MDGA2: variants seen among roughly 807,000 people sequenced by gnomAD.
MDGA2 encodes the protein MAM domain containing glycosylphosphatidylinositol anchor 2, also known as MAM domain-containing glycosylphosphatidylinositol anchor protein 2.
In MDGA2, 40 loss-of-function variants were observed where a neutral mutation model predicts 117.8. The ratio of observed to expected loss-of-function variants is 0.34; its 90% CI spans 0.26 to 0.44. The LOEUF is 0.44. MDGA2 is among the 20% of genes least tolerant of loss of function. MDGA2 has a pLI of 1.00. For synonymous variants in MDGA2, 452 were observed against 439.0 expected (o/e 1.03, Z -0.37); for missense variants, 1,123 against 1,250.6 (o/e 0.90, Z 1.54).
rs557260167 is a variant in MDGA2 at position 47,010,149 on chromosome 14, A to G, written c.1819+24862T>C. Among the ~76,000 whole-genome samples, 4 of 152,168 alleles carry G rather than the reference A, an allele frequency of 2.6e-5. No individual in the cohort carries two copies. The South Asian group carries it at 8.3e-4, about 32-fold the overall frequency. ...ACTGGCATGGAAATGATCCATGTAT[A>G]TTTCTGACTTCCTGGACAGTTGGAA... On this transcript the variant is annotated intron_variant, in intron 8 of 16. Transcript: ENST00000399232.
chr14:47,564,337 C>T (rs1895875846), intron 1 of MDGA2, among the ~76,000 whole-genome samples: 1 of 152,132 alleles, frequency 6.6e-6, no homozygotes, highest in African/African-American at 2.4e-5. Context: ...ATACCTGAGG[C>T]TGGGCAATTT....
At chr14:46,974,132 T>G (rs1886368361) in intron 8 of MDGA2, among the ~76,000 whole-genome samples, 1 of 152,020 alleles carries the variant, frequency 6.6e-6, no homozygotes, top group South Asian at 2.1e-4. Context: ...TAGTAAAATA[T>G]GTAAGAATTC....
chr14:47,235,184 T>C (rs1886818174), intron 2 of MDGA2, among the ~76,000 whole-genome samples: 1 of 152,156 alleles, frequency 6.6e-6, no homozygotes, highest in Non-Finnish European at 1.5e-5. Flanking sequence ...CATAAAACAA[T>C]TTTTGCATAT....
chr14:47,494,302 G>A (rs986982410), intron 1 of MDGA2, among the ~76,000 whole-genome samples: 2 of 152,078 alleles, frequency 1.3e-5, no homozygotes, highest in African/African-American at 4.8e-5. Flanking sequence ...GTTTGTGCAG[G>A]GATTGGTATA....
At chr14:47,005,960 C>T (rs111701585) in intron 8 of MDGA2, among the ~76,000 whole-genome samples, 10 of 151,438 alleles carry the variant, frequency 6.6e-5, no homozygotes, top group South Asian at 2.1e-4. Flanking sequence ...TGGATGCTGT[C>T]GGCACTTTAA....
intron 5 of MDGA2, among the ~76,000 whole-genome samples, chr14:47,119,410 TA>T (rs1434196862): frequency 1.3e-5 from 2 of 152,136 alleles, no homozygotes; most frequent in Non-Finnish European, 2.9e-5. Flanking sequence ...AATAATGCTT[TA>T]TTAAACTTGT....
At chr14:47,193,268 A>T (rs553949204) in intron 3 of MDGA2, among the ~76,000 whole-genome samples, 1 of 152,322 alleles carries the variant, frequency 6.6e-6, no homozygotes, top group East Asian at 1.9e-4. Flanking sequence ...TTTGCCACTG[A>T]ATGTAGCATC....
intron 1 of MDGA2, among the ~76,000 whole-genome samples, chr14:47,422,739 A>G (rs539419479): frequency 1.4e-3 from 218 of 152,292 alleles, no homozygotes; most frequent in Middle Eastern, 6.8e-3. Context: ...GAAATTTTTC[A>G]TGAAGAATAT....
intron 1 of MDGA2, among the ~76,000 whole-genome samples, chr14:47,379,175 G>T (rs1891549541): frequency 6.6e-6 from 1 of 152,194 alleles, no homozygotes; most frequent in South Asian, 2.1e-4. Context: ...CTGAGATTTT[G>T]TCACCACCAG....
intron 1 of MDGA2, among the ~76,000 whole-genome samples, chr14:47,321,650 C>G (rs1451823752): frequency 1.3e-5 from 2 of 152,118 alleles, no homozygotes; most frequent in Non-Finnish European, 2.9e-5. Context: ...GCAATTTTAT[C>G]TGAGCCAGAG....
rs5808404 is a variant in MDGA2 at position 47,650,172 on chromosome 14, G to GT, written c.280+24344dup. On this transcript the variant is annotated intron_variant, in intron 1 of 16. Transcript: ENST00000399232. ...GACTGCCTTCAAACTGAGACATCAT[G>GT]TTTTTTCATGCTCTGGGAGTCATGC... Among the ~76,000 whole-genome samples the GT allele has an allele frequency of 0.019, 2,967 of 152,174 alleles. 168 individuals are homozygous for GT. In the East Asian group the frequency reaches 0.22, roughly 11 times the overall value.
intron 3 of MDGA2, among the ~76,000 whole-genome samples, chr14:47,216,349 A>G (rs1886088110): frequency 6.6e-6 from 1 of 152,168 alleles, no homozygotes; most frequent in South Asian, 2.1e-4. Flanking sequence ...TTCAGATTTT[A>G]GAAAGGTTAT....
chr14:46,863,978 A>G (rs1209166062), intron 14 of MDGA2, among the ~76,000 whole-genome samples: 1 of 152,064 alleles, frequency 6.6e-6, no homozygotes, highest in Non-Finnish European at 1.5e-5. Context: ...AAGCAGTTAC[A>G]TATGTATACA....
At chr14:47,627,934 C>G (rs187935853) in intron 1 of MDGA2, among the ~76,000 whole-genome samples, 6 of 152,268 alleles carry the variant, frequency 3.9e-5, no homozygotes, top group Admixed American at 3.9e-4. Context: ...GGAACGAACT[C>G]CGGACACGCC....
intron 10 of MDGA2, among the ~76,000 whole-genome samples, chr14:46,916,295 G>C (rs1883894475): frequency 6.6e-6 from 1 of 152,222 alleles, no homozygotes; most frequent in Admixed American, 6.5e-5. Context: ...GGAGGAGCTG[G>C]GGTCCATGAG....
intron 1 of MDGA2, among the ~76,000 whole-genome samples, chr14:47,339,680 G>A (rs373129132): frequency 2.0e-5 from 3 of 152,236 alleles, no homozygotes; most frequent in Middle Eastern, 3.4e-3. Context: ...ACAGCCTGAA[G>A]CCCTCACCAG....
At chr14:47,135,375 A>G (rs979383121) in intron 4 of MDGA2, among the ~76,000 whole-genome samples, 3 of 152,136 alleles carry the variant, frequency 2.0e-5, no homozygotes, top group Admixed American at 1.3e-4. Flanking sequence ...AAATCTCTAG[A>G]CAAAAAGAAA....
intron 1 of MDGA2, among the ~76,000 whole-genome samples, chr14:47,579,069 T>A (rs1896179527): frequency 6.6e-6 from 1 of 152,096 alleles, no homozygotes; most frequent in Non-Finnish European, 1.5e-5. Flanking sequence ...GTTTTATGAA[T>A]AATTTACAGA....
At chr14:47,657,060 G>A (rs1231633143) in intron 1 of MDGA2, among the ~76,000 whole-genome samples, 2 of 152,132 alleles carry the variant, frequency 1.3e-5, no homozygotes, top group African/African-American at 4.8e-5. Context: ...ATCTGCCAGA[G>A]TCTCAAGTAT....
Sources: allele counts gnomAD v4.1 joint callset (sites outside exome capture counted in the v4.1 genomes callset), GRCh38; gene constraint gnomAD v4.1.1; transcripts MANE v1.5; gene names NCBI Gene and HGNC (gene_info 2026-07-23, HGNC 2026-07-21).